DLGAP2: variants seen among roughly 807,000 people sequenced by gnomAD.
DLGAP2 encodes the protein disks large-associated protein 2.
DLGAP2 carries 26 observed loss-of-function variants against 100.3 expected under a neutral mutation model. The ratio of observed to expected loss-of-function variants is 0.26; its 90% CI spans 0.19 to 0.36. The LOEUF (loss-of-function observed/expected upper bound fraction) is 0.36. Among genes scored for constraint, DLGAP2 ranks in the 10% least tolerant of loss-of-function variants. DLGAP2 has a pLI of 1.00. For synonymous variants in DLGAP2, 886 were observed against 630.1 expected, an observed-to-expected ratio of 1.41 and a Z score of -6.08; for missense variants, 1,858 against 1,453.2, an observed-to-expected ratio of 1.28 and a Z score of -4.53.
chr8:1,535,244 C>G (rs939876832), intron 4 of DLGAP2, among the ~76,000 whole-genome samples: 3 of 152,244 alleles, frequency 2.0e-5, no homozygotes, highest in African/African-American at 7.2e-5. Flanking sequence ...ACAGCCTCAG[C>G]CCTGGACAGC....
intron 1 of DLGAP2, among the ~76,000 whole-genome samples, chr8:867,952 C>T (rs936019360): frequency 2.6e-5 from 4 of 152,190 alleles, no homozygotes; most frequent in Admixed American, 2.6e-4. Flanking sequence ...GATTTGTTAA[C>T]ATCTGAGGTG....
intron 3 of DLGAP2, chr8:1,380,937 C>CAAAAA (rs34675828): frequency 2.7e-3 from 207 of 76,124 alleles, no homozygotes; most frequent in Non-Finnish European, 3.0e-3. Flanking sequence ...GAACATGATT[C>CAAAAA]AAAAAAAAAA....
chr8:1,277,242 T>G (rs1490545295), intron 3 of DLGAP2, among the ~76,000 whole-genome samples: 2 of 152,232 alleles, frequency 1.3e-5, no homozygotes, highest in African/African-American at 4.8e-5. Context: ...CATGTGCTTC[T>G]TCCCCATTCT....
At chr8:1,169,365 G>A (rs1463709068) in intron 2 of DLGAP2, among the ~76,000 whole-genome samples, 1 of 152,126 alleles carries the variant, frequency 6.6e-6, no homozygotes, top group Admixed American at 6.5e-5. Flanking sequence ...GGCGATGCGG[G>A]CTCTTTCTTG....
chr8:1,290,154 C>A (rs1170845139), intron 3 of DLGAP2, among the ~76,000 whole-genome samples: 1 of 152,144 alleles, frequency 6.6e-6, no homozygotes, highest in Non-Finnish European at 1.5e-5. Flanking sequence ...TAACGTGTGA[C>A]ATGAGTCATC....
At chr8:1,041,630 T>C (rs1377034248) in intron 2 of DLGAP2, among the ~76,000 whole-genome samples, 5 of 70,900 alleles carry the variant, frequency 7.1e-5, no homozygotes, top group African/African-American at 1.8e-4. Flanking sequence ...CGTGGGTGAG[T>C]GTTCTCCGAG....
intron 1 of DLGAP2, among the ~76,000 whole-genome samples, chr8:847,089 C>T (rs1420539628): frequency 6.6e-6 from 1 of 152,184 alleles, no homozygotes; most frequent in Non-Finnish European, 1.5e-5. Flanking sequence ...CTGAACTTGC[C>T]ATTAAAAACA....
At chr8:1,475,134 C>T (rs942998082) in intron 3 of DLGAP2, among the ~76,000 whole-genome samples, 10 of 152,146 alleles carry the variant, frequency 6.6e-5, no homozygotes, top group Non-Finnish European at 1.2e-4. Flanking sequence ...AAATACTGCA[C>T]GTTCTCACTC....
At chr8:1,562,623 T>C (rs1273497287) in intron 5 of DLGAP2, among the ~76,000 whole-genome samples, 1 of 49,090 alleles carries the variant, frequency 2.0e-5, no homozygotes, top group Admixed American at 2.7e-4. Context: ...GGGGACTGTG[T>C]GGTGTTGGGG....
chr8:1,362,455 G>C (rs1585300470), intron 3 of DLGAP2, among the ~76,000 whole-genome samples: 1 of 152,086 alleles, frequency 6.6e-6, no homozygotes, highest in Non-Finnish European at 1.5e-5. Context: ...GGCTGGCGTG[G>C]TCCATGTGCA....
chr8:1,352,513 G>A (rs1427303952), intron 3 of DLGAP2, among the ~76,000 whole-genome samples: 1 of 152,110 alleles, frequency 6.6e-6, no homozygotes, highest in African/African-American at 2.4e-5. Flanking sequence ...GACGTCTTAA[G>A]TGCCACCATG....
chr8:1,219,904 G>A (rs1269223892), intron 2 of DLGAP2, among the ~76,000 whole-genome samples: 2 of 151,976 alleles, frequency 1.3e-5, no homozygotes, highest in African/African-American at 4.8e-5. Context: ...GTGCATAGTG[G>A]TGTTAGTAAT....
At chr8:994,975 C>T (rs1800746499) in intron 2 of DLGAP2, among the ~76,000 whole-genome samples, 1 of 152,132 alleles carries the variant, frequency 6.6e-6, no homozygotes, top group Non-Finnish European at 1.5e-5. Flanking sequence ...TATTTAGTAC[C>T]TGAAATAGGT....
intron 8 of DLGAP2, among the ~76,000 whole-genome samples, 155 bp from the exon 9 acceptor site, chr8:1,668,174 T>C (rs1039357204): frequency 2.0e-5 from 3 of 152,208 alleles, no homozygotes; most frequent in African/African-American, 7.2e-5. Context: ...ATGTGTGCTG[T>C]CTCACTGTCC....
intron 8 of DLGAP2, among the ~76,000 whole-genome samples, chr8:1,636,122 C>A (rs1797759546): frequency 1.3e-5 from 2 of 152,240 alleles, no homozygotes; most frequent in South Asian, 4.1e-4. Flanking sequence ...CACATGGTTT[C>A]TTTCTCATCT....
intron 1 of DLGAP2, among the ~76,000 whole-genome samples, chr8:746,917 C>T (rs1214586004): frequency 6.6e-6 from 1 of 152,186 alleles, no homozygotes; most frequent in Non-Finnish European, 1.5e-5. Context: ...GTGATGTCGG[C>T]CCTGCAGGCG....
intron 1 of DLGAP2, among the ~76,000 whole-genome samples, chr8:746,526 T>G (rs1448565000): frequency 6.6e-6 from 1 of 152,130 alleles, no homozygotes; most frequent in East Asian, 1.9e-4. Flanking sequence ...AGAAGATCTG[T>G]GGGATAGAGG....
intron 3 of DLGAP2, among the ~76,000 whole-genome samples, chr8:1,476,886 C>G (rs541838740): frequency 6.6e-6 from 1 of 152,158 alleles, no homozygotes; most frequent in South Asian, 2.1e-4. Flanking sequence ...GGCCAACCCA[C>G]CAGCCCCTTC....
At chr8:781,048 G>T (rs1021187508) in intron 1 of DLGAP2, among the ~76,000 whole-genome samples, 1 of 152,162 alleles carries the variant, frequency 6.6e-6, no homozygotes, top group Non-Finnish European at 1.5e-5. Flanking sequence ...CTTTGTTTCA[G>T]CCCAGGCATG....
Sources: allele counts gnomAD v4.1 joint callset (sites outside exome capture counted in the v4.1 genomes callset), GRCh38; gene constraint gnomAD v4.1.1; transcripts MANE v1.5; gene names NCBI Gene and HGNC (gene_info 2026-07-23, HGNC 2026-07-21).